The following SRGAP3 variants were observed in gnomAD, a reference collection of about 807,000 sequenced individuals.
The protein encoded by SRGAP3 is SLIT-ROBO Rho GTPase activating protein 3.
SRGAP3 carries 39 observed loss-of-function variants against 121.1 expected under a neutral mutation model. The ratio of observed to expected loss-of-function variants is 0.32; its 90% CI spans 0.25 to 0.42. The LOEUF (loss-of-function observed/expected upper bound fraction) is 0.42, where lower values mean the gene tolerates loss of function less well. SRGAP3 is among the 10% of genes least tolerant of loss of function. SRGAP3 has a pLI of 1.00. For synonymous variants in SRGAP3, 601 were observed against 570.0 expected (o/e 1.05, Z -0.77); for missense variants, 1,213 against 1,470.6 (o/e 0.82, Z 2.86).
chr3:9,123,762 G>GTGTGTGTGTGTGTGTA (rs1182513386), intron 2 of SRGAP3, among the ~76,000 whole-genome samples: 1 of 149,028 alleles, frequency 6.7e-6, no homozygotes, highest in African/African-American at 2.5e-5. Flanking sequence ...GTGTATGTGT[G>GTGTGTGTGTGTGTGTA]TATATATGTA....
intron 19 of SRGAP3, 139 bp downstream of exon 19, chr3:8,994,204 C>G (rs1942247727): frequency 1.8e-6 from 2 of 1,096,750 alleles, no homozygotes; most frequent in Non-Finnish European, 2.7e-6. Flanking sequence ...TAGATATTAC[C>G]CATTGTTAGA....
At chr3:9,119,593 G>A (rs1948929844) in intron 2 of SRGAP3, among the ~76,000 whole-genome samples, 1 of 152,210 alleles carries the variant, frequency 6.6e-6, no homozygotes, top group African/African-American at 2.4e-5. Flanking sequence ...TGATAGGAGG[G>A]CTTTATTTCC....
chr3:9,339,039 T>A (rs1955737714), intron 1 of SRGAP3, among the ~76,000 whole-genome samples: 1 of 152,194 alleles, frequency 6.6e-6, no homozygotes, highest in African/African-American at 2.4e-5. Context: ...AGAGTCTTCG[T>A]GTACTTAGCC....
intron 2 of SRGAP3, among the ~76,000 whole-genome samples, chr3:9,107,827 A>C (rs1369893338): frequency 6.6e-6 from 1 of 152,190 alleles, no homozygotes; most frequent in African/African-American, 2.4e-5. Flanking sequence ...GAGAGCAGGG[A>C]TCACTTCTAT....
At chr3:9,078,546 C>T (rs1013462229) in intron 4 of SRGAP3, among the ~76,000 whole-genome samples, 12 of 152,124 alleles carry the variant, frequency 7.9e-5, no homozygotes, top group African/African-American at 2.7e-4. Flanking sequence ...ACACTCAGAA[C>T]TTCTGGTACA....
At chr3:9,358,274 G>C (rs2030623606) in intron 1 of SRGAP3, among the ~76,000 whole-genome samples, 1 of 147,940 alleles carries the variant, frequency 6.8e-6, no homozygotes. Flanking sequence ...CCATTAACCT[G>C]CTTTCTGTCT....
At chr3:9,027,209 T>C (rs112320729) in intron 12 of SRGAP3, among the ~76,000 whole-genome samples, 86 of 152,350 alleles carry the variant, frequency 5.6e-4, no homozygotes, top group African/African-American at 2.0e-3. Context: ...ATGATTATTT[T>C]AAAGAAATGC....
chr3:9,197,934 G>A (rs545501521), intron 1 of SRGAP3, among the ~76,000 whole-genome samples: 1 of 152,302 alleles, frequency 6.6e-6, no homozygotes, highest in East Asian at 1.9e-4. Flanking sequence ...CCCAATTTAG[G>A]TAGAATCTCT....
intron 21 of SRGAP3, 64 bp downstream of exon 21, chr3:8,990,448 G>T: frequency 6.5e-7 from 1 of 1,543,024 alleles, no homozygotes; most frequent in South Asian, 1.2e-5. Context: ...CCCGCTCCAC[G>T]GATTCCCACC....
chr3:9,080,060 C>T lies in SRGAP3; in HGVS notation c.451G>A (p.Glu151Lys). ...KSKEIGLQMH[E>K]ELLKVTNELY... Reference sequence around the variant, plus strand: ...TCATTGGTCACCTTCAGGAGCTCCTCGTGCATCTGCAGGCCAATCTCCTTG... The same window carrying T: ...TCATTGGTCACCTTCAGGAGCTCCTTGTGCATCTGCAGGCCAATCTCCTTG... The change falls in exon 4 of 22, where the codon GAG becomes AAG. Residue 151 changes from glutamate (E) to lysine (K), a missense_variant. This residue lies in a region of SRGAP3 where 793 missense variants were observed against 1,032.9 expected (regional missense o/e 0.77). Transcript: ENST00000383836. 1 of 1,607,100 alleles carries T rather than the reference C, an allele frequency of 6.2e-7. No homozygotes were observed. Among genetic ancestry groups the T allele is most frequent in the Non-Finnish European group, 8.5e-7 (1 of 1,176,856 alleles).
At chr3:9,300,106 T>C (rs994764939) in intron 3 of SRGAP3, among the ~76,000 whole-genome samples, 2 of 56,190 alleles carry the variant, frequency 3.6e-5, no homozygotes, top group African/African-American at 1.4e-4. Context: ...CTTGGAACAA[T>C]GTCTGGCATA....
intron 2 of SRGAP3, chr3:9,330,455 G>A (rs910355463): frequency 3.2e-5 from 5 of 154,548 alleles, no homozygotes; most frequent in East Asian, 1.9e-4. Context: ...TCCAAAATCC[G>A]AAAGGGAGCT....
At chr3:9,048,108 T>G (rs1230765857) in intron 9 of SRGAP3, among the ~76,000 whole-genome samples, 1 of 152,248 alleles carries the variant, frequency 6.6e-6, no homozygotes, top group African/African-American at 2.4e-5. Context: ...AAGTCAGCCA[T>G]GGGCCAGGCC....
At chr3:9,241,489 A>G (rs937713809) in intron 1 of SRGAP3, among the ~76,000 whole-genome samples, 5 of 152,228 alleles carry the variant, frequency 3.3e-5, no homozygotes, top group Non-Finnish European at 7.3e-5. Flanking sequence ...GGCTGTCAAC[A>G]TAACAGCCTT....
intron 3 of SRGAP3, among the ~76,000 whole-genome samples, chr3:9,285,139 A>T (rs973408696): frequency 6.6e-6 from 1 of 152,212 alleles, no homozygotes; most frequent in African/African-American, 2.4e-5. Flanking sequence ...TTTCATTGTT[A>T]TCACATACTG....
chr3:9,077,869 G>A (rs1452087813), intron 4 of SRGAP3, among the ~76,000 whole-genome samples: 1 of 152,354 alleles, frequency 6.6e-6, no homozygotes, highest in Middle Eastern at 3.4e-3. Context: ...TTTGTCACAG[G>A]TGAAACTGAC....
At chr3:9,129,910 G>A (rs959055688) in intron 1 of SRGAP3, among the ~76,000 whole-genome samples, 11 of 151,730 alleles carry the variant, frequency 7.2e-5, no homozygotes, top group African/African-American at 1.9e-4. Context: ...TATAGGCACC[G>A]GCCACCACAC....
chr3:9,050,532 T>C lies in SRGAP3; in HGVS notation c.1323+2495A>G, dbSNP rs1945515439. On this transcript the variant is annotated intron_variant, in intron 9 of 21. Coordinates refer to ENST00000383836, the MANE Select transcript of SRGAP3 (RefSeq NM_014850.4). ...GATGTTTGCATTGAAAGGATTACGA[T>C]GTCCTTAAAAAGACCTAAAATAATG... Among the ~76,000 whole-genome samples, 4 of 152,254 alleles carry C rather than the reference T, an allele frequency of 2.6e-5. No homozygotes were observed. In the South Asian group the frequency reaches 8.3e-4, roughly 31 times the overall value.
At chr3:9,245,478 T>C (rs1051103720) in intron 1 of SRGAP3, among the ~76,000 whole-genome samples, 3 of 152,164 alleles carry the variant, frequency 2.0e-5, no homozygotes, top group African/African-American at 7.2e-5. Context: ...TATATGAGGA[T>C]AATCATTGTC....
Sources: allele counts gnomAD v4.1 joint callset (sites outside exome capture counted in the v4.1 genomes callset), GRCh38; gene constraint gnomAD v4.1.1; regional missense constraint gnomAD v4.1.1; transcripts MANE v1.5; gene names NCBI Gene and HGNC (gene_info 2026-07-23, HGNC 2026-07-21).